SLC5A3: variants seen among roughly 807,000 people sequenced by gnomAD.
The protein encoded by SLC5A3 is solute carrier family 5 member 3, also known as sodium/myo-inositol cotransporter.
Under a neutral mutation model 43.2 loss-of-function variants are expected in SLC5A3, and 10 were observed. That is an observed-to-expected ratio of 0.23 (90% CI 0.14 to 0.39). The LOEUF (loss-of-function observed/expected upper bound fraction) is 0.39. SLC5A3 is among the 10% of genes least tolerant of loss of function. The pLI is 1.00. For synonymous variants in SLC5A3, 349 were observed against 322.0 expected (o/e 1.08, Z -0.90); for missense variants, 608 against 893.4 (o/e 0.68, Z 4.07).
chr21:34,091,427 T>G (rs1282445361), intron 1 of SLC5A3, among the ~76,000 whole-genome samples: 6 of 152,200 alleles, frequency 3.9e-5, no homozygotes, highest in African/African-American at 1.4e-4. Flanking sequence ...AATAAGTTTC[T>G]GGTTTGGAAG....
chr21:34,097,379 A>G lies in SLC5A3; in HGVS notation c.*24A>G. The G allele has an allele frequency of 6.4e-7, 1 of 1,557,208 alleles. No homozygotes were observed. The highest frequency in any genetic ancestry group is 8.7e-7 in the Non-Finnish European group (1 of 1,154,240). On this transcript the variant is annotated 3_prime_UTR_variant, in exon 2 of 2. Transcript: ENST00000381151. ...GAACTTAAGGATATGGTGAGACACT[A>G]ACTTAAGACAATACTGACTGGTCTT... is the stretch of plus-strand genomic sequence containing the variant.
At position 34,106,103 on chromosome 21, in the gene SLC5A3, G is replaced by A; in HGVS notation, c.*8748G>A. 1 of 998,340 alleles carries A rather than the reference G, an allele frequency of 1.0e-6. No individual in the cohort carries two copies. The highest frequency in any genetic ancestry group is 1.2e-6 in the Non-Finnish European group (1 of 828,224). 61.8% of individuals were successfully genotyped at this position (998,340 alleles called of 1,614,324 possible). ...ACTGTGTGTTATTTTGCCAGCTGCT[G>A]CATTAGCCTTCAAAAGTATTTGGAA... On this transcript the variant is annotated 3_prime_UTR_variant, in exon 2 of 2. Transcript: ENST00000381151.
chr21:34,105,899 T>C lies in SLC5A3; in HGVS notation c.*8544T>C, dbSNP rs944696262. ...TTTAAGATTGTTAAAATCATGACAA[T>C]TCTAACTTGTCTATTCTAACCTATT... On this transcript the variant is annotated 3_prime_UTR_variant, in exon 2 of 2. Coordinates refer to ENST00000381151, the MANE Select transcript of SLC5A3 (RefSeq NM_006933.7). 1.0e-6 allele frequency: 1 copy of C among 987,044 alleles called. No homozygotes were observed. Among genetic ancestry groups the C allele is most frequent in the South Asian group, 4.8e-5 (1 of 20,970 alleles). 61.1% of individuals were successfully genotyped at this position (987,044 alleles called of 1,614,324 possible).
At position 34,097,415 on chromosome 21, in the gene SLC5A3, A is replaced by AG; in HGVS notation, c.*61dup. On this transcript the variant is annotated 3_prime_UTR_variant, in exon 2 of 2. Coordinates refer to ENST00000381151, the MANE Select transcript of SLC5A3 (RefSeq NM_006933.7). ...ATACTGACTGGTCTTTGGGGAAAAA[A>AG]GTTATGTAACTGTGCATCTCTCAGG... 2.2e-6 allele frequency: 3 copies of AG among 1,358,250 alleles called. No homozygotes were observed. The highest frequency in any genetic ancestry group is 2.8e-6 in the Non-Finnish European group (3 of 1,064,284). The allele number at this position is 1,358,250 out of a possible 1,614,324, so 84.1% of individuals were successfully genotyped here. A position where few individuals can be genotyped will look rare whatever the true frequency, so the allele number is the denominator to read the frequency against.
In SLC5A3 at chr21:34,102,116, G is replaced by C. The variant is rs983289773; in HGVS notation, c.*4761G>C. The C allele has an allele frequency of 4.0e-6, 4 of 999,966 alleles. No homozygotes were observed. In the African/African-American group the frequency reaches 7.0e-5, roughly 17 times the overall value. 61.9% of individuals were successfully genotyped at this position (999,966 alleles called of 1,614,324 possible). A position where few individuals can be genotyped will look rare whatever the true frequency, so the allele number is the denominator to read the frequency against. ...GCTGCAAATCTTTTTCTTCTGTCAAGGTCACTTAATATGGAATGTTTTTGT... is the reference window on the plus strand; with the variant it reads ...GCTGCAAATCTTTTTCTTCTGTCAACGTCACTTAATATGGAATGTTTTTGT... On this transcript the variant is annotated 3_prime_UTR_variant, in exon 2 of 2. Transcript: ENST00000381151.
Position 34,103,241 on chromosome 21 carries a change from T to C in SLC5A3, c.*5886T>C. 1.0e-6 allele frequency: 1 copy of C among 999,872 alleles called. No individual in the cohort carries two copies. Among genetic ancestry groups the C allele is most frequent in the South Asian group, 4.7e-5 (1 of 21,280 alleles). The allele number at this position is 999,872 out of a possible 1,614,324, so 61.9% of individuals were successfully genotyped here. ...GTTACCAGTATTGACTCTGCTAGTT[T>C]GCACCTTTCCGTTCTTAACAGAAAA... On this transcript the variant is annotated 3_prime_UTR_variant, in exon 2 of 2. Coordinates refer to ENST00000381151, the MANE Select transcript of SLC5A3 (RefSeq NM_006933.7).
chr21:34,073,840 G>C, intron 1 of SLC5A3, 95 bp downstream of exon 1: 1 of 883,960 alleles, frequency 1.1e-6, no homozygotes, highest in Non-Finnish European at 1.5e-6. Flanking sequence ...CGGGACCCCG[G>C]GCCTTCCTGC....
intron 1 of SLC5A3, among the ~76,000 whole-genome samples, chr21:34,079,957 C>A (rs1326275421): frequency 6.6e-6 from 1 of 152,108 alleles, no homozygotes; most frequent in Non-Finnish European, 1.5e-5. Flanking sequence ...TGTCTTCTGT[C>A]ATCTGGGGCT....
At chr21:34,082,171 G>C (rs1262440816) in intron 1 of SLC5A3, among the ~76,000 whole-genome samples, 3 of 151,942 alleles carry the variant, frequency 2.0e-5, no homozygotes, top group African/African-American at 7.3e-5. Flanking sequence ...CAGATAATTA[G>C]CTGTAGGTTG....
intron 1 of SLC5A3, among the ~76,000 whole-genome samples, chr21:34,092,120 A>G (rs1783295): frequency 2.8e-5 from 1 of 35,398 alleles, no homozygotes; most frequent in Non-Finnish European, 1.8e-4. Flanking sequence ...TAAAAGGAAG[A>G]AAAACATATA....
intron 1 of SLC5A3, among the ~76,000 whole-genome samples, chr21:34,074,801 A>G (rs532089403): frequency 7.9e-5 from 12 of 152,366 alleles, no homozygotes; most frequent in East Asian, 1.9e-4. Flanking sequence ...CTCCAGGTCA[A>G]TTGCGAGGAG....
In SLC5A3 at chr21:34,098,949, AT is replaced by A; in HGVS notation, c.*1596del. 1.0e-6 allele frequency: 1 copy of A among 984,446 alleles called. No individual in the cohort carries two copies. The highest frequency in any genetic ancestry group is 1.2e-6 in the Non-Finnish European group (1 of 815,666). 61.0% of individuals were successfully genotyped at this position (984,446 alleles called of 1,614,324 possible). On this transcript the variant is annotated 3_prime_UTR_variant, in exon 2 of 2. Transcript: ENST00000381151. Reference sequence around the variant, plus strand: ...TTTTACTAGGCTTGTATTTAGGGAAATTACTTTCATAAATACTTTTGTAGAT... The same window carrying A: ...TTTTACTAGGCTTGTATTTAGGGAAATACTTTCATAAATACTTTTGTAGAT...
chr21:34,082,437 G>C (rs901318329), intron 1 of SLC5A3, among the ~76,000 whole-genome samples: 30 of 152,226 alleles, frequency 2.0e-4, no homozygotes, highest in Non-Finnish European at 2.1e-4. Context: ...CTTGTTTTAG[G>C]CATGTATTAG....
intron 1 of SLC5A3, among the ~76,000 whole-genome samples, chr21:34,074,430 C>A (rs532032033): frequency 6.6e-6 from 1 of 152,338 alleles, no homozygotes; most frequent in African/African-American, 2.4e-5. Context: ...GCCTTTCTTG[C>A]GCCTCCAGAA....
chr21:34,104,741 T>TTGAGGAACACCCTTGGC lies in SLC5A3; in HGVS notation c.*7388_*7404dup, dbSNP rs764914397. 6.2e-4 allele frequency: 620 copies of TTGAGGAACACCCTTGGC among 1,000,278 alleles called. No homozygotes were observed. The highest frequency in any genetic ancestry group is 2.6e-3 in the Middle Eastern group (5 of 1,916). 62.0% of individuals were successfully genotyped at this position (1,000,278 alleles called of 1,614,324 possible). A position where few individuals can be genotyped will look rare whatever the true frequency, so the allele number is the denominator to read the frequency against. On this transcript the variant is annotated 3_prime_UTR_variant, in exon 2 of 2. Coordinates refer to ENST00000381151, the MANE Select transcript of SLC5A3 (RefSeq NM_006933.7). ...TACCAGAAGTGCAGGAAAGAGAAGT[T>TTGAGGAACACCCTTGGC]TGAGGAACACCCTTGGCTTAGCAAC...
At chr21:34,088,206 A>G (rs1290078276) in intron 1 of SLC5A3, among the ~76,000 whole-genome samples, 2 of 124 alleles carry the variant, frequency 0.016, no homozygotes, top group Non-Finnish European at 0.034. Flanking sequence ...GATAGAATCT[A>G]TAGCTGTGAT....
chr21:34,100,829 G>A lies in SLC5A3; in HGVS notation c.*3474G>A. On this transcript the variant is annotated 3_prime_UTR_variant, in exon 2 of 2. Transcript: ENST00000381151. ...CTTTGAATATCATTTGGTGTGGCCTGTGGGTTATTTTCATTCTTTACCACC... is the reference window on the plus strand; with the variant it reads ...CTTTGAATATCATTTGGTGTGGCCTATGGGTTATTTTCATTCTTTACCACC... 1.0e-6 allele frequency: 1 copy of A among 1,000,234 alleles called. No individual in the cohort carries two copies. Among genetic ancestry groups the A allele is most frequent in the Non-Finnish European group, 1.2e-6 (1 of 829,966 alleles). 62.0% of individuals were successfully genotyped at this position (1,000,234 alleles called of 1,614,324 possible).
intron 1 of SLC5A3, among the ~76,000 whole-genome samples, chr21:34,091,419 T>G (rs1455380822): frequency 6.6e-6 from 1 of 152,166 alleles, no homozygotes; most frequent in Non-Finnish European, 1.5e-5. Flanking sequence ...AGTTCCAGAA[T>G]AAGTTTCTGG....
intron 1 of SLC5A3, among the ~76,000 whole-genome samples, chr21:34,074,985 T>C (rs1056041776): frequency 3.9e-5 from 6 of 152,250 alleles, no homozygotes; most frequent in African/African-American, 1.2e-4. Context: ...CAGCTTGTTC[T>C]TCATGGATTT....
Sources: gnomAD v4.1 joint callset for allele counts (sites outside exome capture counted in the v4.1 genomes callset) on GRCh38, gnomAD v4.1.1 for gene constraint, MANE v1.5 for transcripts, NCBI Gene and HGNC (gene_info 2026-07-23, HGNC 2026-07-21) for gene names.